The following STARD6 variants were observed in gnomAD, a reference collection of about 807,000 sequenced individuals.
STARD6 encodes StAR related lipid transfer domain containing 6, also known as stAR-related lipid transfer protein 6.
In STARD6, 21 loss-of-function variants were observed where a neutral mutation model predicts 22.3. The ratio of observed to expected loss-of-function variants is 0.94; its 90% CI spans 0.67 to 1.35. STARD6 has a LOEUF of 1.35. STARD6 is among the 40% of genes most tolerant of loss of function. STARD6 has a pLI of 0.00. For missense variants in STARD6, 269 were observed against 266.9 expected (o/e 1.01, Z -0.05); for synonymous variants, 80 against 88.1 (o/e 0.91, Z 0.52).
chr18:54,352,369 A>AT, intron 4 of STARD6, among the ~76,000 whole-genome samples: 1 of 151,852 alleles, frequency 6.6e-6, no homozygotes, highest in Non-Finnish European at 1.5e-5. Context: ...ATGGTCTGCC[A>AT]TTTTTTTCTT....
At position 54,324,604 on chromosome 18, in the gene STARD6, A is replaced by G; in HGVS notation, c.*88T>C. ...ATACTGTCTAGAATAGTTTAACAGTATTATTTATGTGCGTTGACTTAGAAG... is the reference window on the plus strand; with the variant it reads ...ATACTGTCTAGAATAGTTTAACAGTGTTATTTATGTGCGTTGACTTAGAAG... On this transcript the variant is annotated 3_prime_UTR_variant, in exon 8 of 8. Coordinates refer to ENST00000307844, the MANE Select transcript of STARD6 (RefSeq NM_139171.2). 1 of 1,293,132 alleles carries G rather than the reference A, an allele frequency of 7.7e-7. No homozygotes were observed. The highest frequency in any genetic ancestry group is 2.4e-5 in the East Asian group (1 of 42,290). 80.1% of individuals were successfully genotyped at this position (1,293,132 alleles called of 1,614,324 possible).
intron 1 of STARD6, among the ~76,000 whole-genome samples, 181 bp downstream of exon 1, chr18:54,357,611 C>G (rs1358806631): frequency 6.6e-6 from 1 of 152,168 alleles, no homozygotes; most frequent in Non-Finnish European, 1.5e-5. Flanking sequence ...GCCCTTAAGT[C>G]TCCCTCCCCA....
At chr18:54,335,765 G>C (rs928326879) in intron 5 of STARD6, among the ~76,000 whole-genome samples, 3 of 152,050 alleles carry the variant, frequency 2.0e-5, no homozygotes, top group African/African-American at 7.2e-5. Context: ...CTCCCCCTTA[G>C]TTCCCTCTCT....
At chr18:54,333,443 C>T (rs2088882355) in intron 5 of STARD6, among the ~76,000 whole-genome samples, 1 of 152,112 alleles carries the variant, frequency 6.6e-6, no homozygotes, top group East Asian at 1.9e-4. Context: ...GAGCGAGACT[C>T]TGTCTCAAAA....
intron 7 of STARD6, among the ~76,000 whole-genome samples, chr18:54,325,270 T>C (rs953753354): frequency 1.3e-5 from 2 of 152,110 alleles, no homozygotes; most frequent in African/African-American, 2.4e-5. Flanking sequence ...AAAAACAGCA[T>C]ACATTTGTAC....
chr18:54,348,010 A>G (rs2144691264), intron 4 of STARD6, among the ~76,000 whole-genome samples: 1 of 152,074 alleles, frequency 6.6e-6, no homozygotes, highest in East Asian at 1.9e-4. Context: ...GATGTTTTTT[A>G]TAAGGGGTTT....
At chr18:54,335,167 G>GTTAGTTAT (rs111926126) in intron 5 of STARD6, among the ~76,000 whole-genome samples, 2 of 144,830 alleles carry the variant, frequency 1.4e-5, no homozygotes, top group African/African-American at 2.6e-5. Context: ...CCTCCAGGTG[G>GTTAGTTAT]TTATTTATTT....
intron 2 of STARD6, chr18:54,355,784 A>C (rs887038754): frequency 6.6e-6 from 1 of 152,252 alleles, no homozygotes; most frequent in Non-Finnish European, 1.5e-5. Flanking sequence ...TACTGCTGTG[A>C]ATGAGTTCCG....
chr18:54,329,732 C>G (rs1410405358), intron 6 of STARD6, among the ~76,000 whole-genome samples: 2 of 151,764 alleles, frequency 1.3e-5, no homozygotes, highest in East Asian at 3.8e-4. Flanking sequence ...AGATTTGAAG[C>G]AAAAGATAGC....
At position 54,324,856 on chromosome 18, in the gene STARD6, G is replaced by A. The variant is rs1283569750; in HGVS notation, c.499C>T (p.Leu167=). The A allele has an allele frequency of 1.3e-6, 2 of 1,568,330 alleles. No individual in the cohort carries two copies. Among genetic ancestry groups the A allele is most frequent in the South Asian group, 1.2e-5 (1 of 83,130 alleles). The part of the protein sequence containing the change: ...PMEENPAYSK[L]VMFVQTEMRG... ...ATTTCTGTCTGGACAAACATCACTA[G>A]TTTGGAATATGCTGGGTTTCTGTAA... Residue 167 remains leucine, a synonymous_variant, in exon 8 of 8, where the codon CTA becomes TTA. Coordinates refer to ENST00000307844, the MANE Select transcript of STARD6 (RefSeq NM_139171.2).
At chr18:54,333,688 C>T (rs977171924) in intron 5 of STARD6, among the ~76,000 whole-genome samples, 1 of 152,094 alleles carries the variant, frequency 6.6e-6, no homozygotes, top group Non-Finnish European at 1.5e-5. Flanking sequence ...AACAGATTTA[C>T]CTTCATGGGC....
At position 54,330,826 on chromosome 18, in the gene STARD6, C is replaced by T. The variant is rs932016373; in HGVS notation, c.385+916G>A. Among the ~76,000 whole-genome samples the T allele has an allele frequency of 4.6e-5, 7 of 152,132 alleles. No individual in the cohort carries two copies. The South Asian group carries it at 1.5e-3, about 32-fold the overall frequency. On this transcript the variant is annotated intron_variant, in intron 6 of 7. Coordinates refer to ENST00000307844, the MANE Select transcript of STARD6 (RefSeq NM_139171.2). ...GAAAATAACAGATCTATGATCTGTT[C>T]AGACAAACTATTTTATGTTGTAGGC... is the stretch of plus-strand genomic sequence containing the variant.
At chr18:54,344,583 T>TTAAA (rs74180466) in intron 4 of STARD6, among the ~76,000 whole-genome samples, 1 of 94,060 alleles carries the variant, frequency 1.1e-5, no homozygotes, top group South Asian at 3.8e-4. Context: ...AAAAATAAAT[T>TTAAA]AAAAAAAAAA....
In STARD6 at chr18:54,329,400, A is replaced by G; in HGVS notation, c.426T>C (p.Asn142=). The change falls in exon 7 of 8, where the codon AAT becomes AAC. Residue 142 remains asparagine (N), a synonymous_variant. Coordinates refer to ENST00000307844, the MANE Select transcript of STARD6 (RefSeq NM_139171.2). ...AAGGATGGTTATAACCGCGGATATA[A>G]TTTGAAGATGGAGGATATTCTGGAA... The part of the protein sequence containing the change: ...VDFPEYPPSS[N]YIRGYNHPCG... 1 of 1,605,016 alleles carries G rather than the reference A, an allele frequency of 6.2e-7. No individual in the cohort carries two copies. The highest frequency in any genetic ancestry group is 1.1e-5 in the South Asian group (1 of 89,278).
At chr18:54,332,196 C>G (rs189549617) in intron 5 of STARD6, among the ~76,000 whole-genome samples, 45 of 152,288 alleles carry the variant, frequency 3.0e-4, no homozygotes, top group African/African-American at 1.1e-3. Flanking sequence ...AGTACTATTT[C>G]TACTACTCCA....
At chr18:54,336,372 T>C (rs56193568) in intron 5 of STARD6, among the ~76,000 whole-genome samples, 160 of 152,194 alleles carry the variant, frequency 1.1e-3, no homozygotes, top group African/African-American at 3.7e-3. Context: ...ATGGGGGTGG[T>C]TTCCCGCATG....
At chr18:54,343,768 G>A (rs1422334105) in intron 4 of STARD6, among the ~76,000 whole-genome samples, 5 of 69,038 alleles carry the variant, frequency 7.2e-5, no homozygotes, top group Non-Finnish European at 8.7e-5. Flanking sequence ...CGGGAGGGAG[G>A]TGGGGGGGGT....
intron 1 of STARD6, among the ~76,000 whole-genome samples, chr18:54,356,772 G>A (rs1447284154): frequency 6.6e-6 from 1 of 152,148 alleles, no homozygotes; most frequent in African/African-American, 2.4e-5. Flanking sequence ...ACCAGGGCTC[G>A]TCTTAGCATA....
intron 4 of STARD6, among the ~76,000 whole-genome samples, chr18:54,339,915 A>G (rs1787830): frequency 1.7e-4 from 26 of 152,016 alleles, no homozygotes; most frequent in Admixed American, 1.6e-3. Flanking sequence ...GGGCTTATAA[A>G]ATGTATACAT....
Sources: allele counts gnomAD v4.1 joint callset (sites outside exome capture counted in the v4.1 genomes callset), GRCh38; gene constraint gnomAD v4.1.1; transcripts MANE v1.5; gene names NCBI Gene and HGNC (gene_info 2026-07-23, HGNC 2026-07-21).